Variants in SLC12A2 observed in about 807,000 individuals in gnomAD.
SLC12A2 encodes solute carrier family 12 member 2, also known as Na-K-2Cl cotransporter 1.
SLC12A2 carries 67 observed loss-of-function variants against 136.3 expected under a neutral mutation model. That is an observed-to-expected ratio of 0.49 (90% confidence interval 0.40 to 0.60). SLC12A2 has a LOEUF of 0.60. SLC12A2 is among the 20% of genes least tolerant of loss of function. The pLI is 0.00. For synonymous variants in SLC12A2, 619 were observed against 562.9 expected (o/e 1.10, Z -1.41); for missense variants, 1,322 against 1,534.7 (o/e 0.86, Z 2.32).
At chr5:128,097,954 A>G (rs925693891) in intron 1 of SLC12A2, among the ~76,000 whole-genome samples, 1 of 151,896 alleles carries the variant, frequency 6.6e-6, no homozygotes, top group African/African-American at 2.4e-5. Flanking sequence ...GTTTTGCTGG[A>G]TATAGAATTC....
intron 1 of SLC12A2, among the ~76,000 whole-genome samples, chr5:128,087,266 A>G (rs1004034210): frequency 8.5e-5 from 13 of 152,240 alleles, no homozygotes; most frequent in African/African-American, 2.9e-4. Flanking sequence ...GGAAGGGGGT[A>G]TCTTAGATGT....
At chr5:128,182,684 C>T (rs1448252450) in intron 23 of SLC12A2, among the ~76,000 whole-genome samples, 171 bp from the exon 24 acceptor site, 1 of 151,986 alleles carries the variant, frequency 6.6e-6, no homozygotes. Context: ...GTAAAGTACT[C>T]AGTGAATTTA....
At chr5:128,093,353 C>T (rs1412398205) in intron 1 of SLC12A2, among the ~76,000 whole-genome samples, 1 of 152,036 alleles carries the variant, frequency 6.6e-6, no homozygotes, top group Non-Finnish European at 1.5e-5. Context: ...TTTTTCTCTC[C>T]TTATGCTACA....
chr5:128,150,645 A>G (rs932334825), intron 13 of SLC12A2, among the ~76,000 whole-genome samples: 6 of 151,782 alleles, frequency 4.0e-5, no homozygotes, highest in Admixed American at 3.9e-4. Flanking sequence ...TTTTAAAATA[A>G]TTTTGGCTTT....
Position 128,084,114 on chromosome 5 carries a change from G to T in SLC12A2, c.160G>T (p.Gly54Cys), listed in dbSNP as rs1759942641. The T allele has an allele frequency of 3.1e-6, 4 of 1,307,590 alleles. No homozygotes were observed. The highest frequency in any genetic ancestry group is 3.9e-6 in the Non-Finnish European group (4 of 1,032,646). The allele number at this position is 1,307,590 out of a possible 1,614,324, so 81.0% of individuals were successfully genotyped here. A position where few individuals can be genotyped will look rare whatever the true frequency, so the allele number is the denominator to read the frequency against. ...EDAAPASRDGGGVRDEGPAAA... is the reference protein window; with the variant it reads ...EDAAPASRDGCGVRDEGPAAA... Reference sequence around the variant, plus strand: ...TGCTGCGCCCGCGAGCCGGGACGGCGGCGGGGTCCGCGATGAGGGCCCCGC... The same window carrying T: ...TGCTGCGCCCGCGAGCCGGGACGGCTGCGGGGTCCGCGATGAGGGCCCCGC... Residue 54 changes from glycine (G) to cysteine (C), a missense_variant, in exon 1 of 27, where the codon GGC becomes TGC. Coordinates refer to ENST00000262461, the MANE Select transcript of SLC12A2 (RefSeq NM_001046.3). The surrounding 1 kb of genome is among the most constrained non-coding windows in gnomAD (Gnocchi z 5.6).
intron 1 of SLC12A2, among the ~76,000 whole-genome samples, chr5:128,108,825 A>G (rs1340570624): frequency 6.6e-6 from 1 of 152,180 alleles, no homozygotes. Flanking sequence ...TTTAAAAACA[A>G]TTGCAAATTT....
In SLC12A2 at chr5:128,109,872, C is replaced by T. The variant is rs765608801; in HGVS notation, c.757-2942C>T. 7.6e-6 allele frequency: 6 copies of T among 787,932 alleles called. No individual in the cohort carries two copies. In the African/African-American group the frequency reaches 8.4e-5, roughly 11 times the overall value. 48.8% of individuals were successfully genotyped at this position (787,932 alleles called of 1,614,324 possible). On this transcript the variant is annotated intron_variant, in intron 1 of 26. Transcript: ENST00000262461. Reference sequence around the variant, plus strand: ...AAATCCCCATGTATTTTAAAAGAGCCAGTGTGCCATGAGAATTGTGACTGG... The same window carrying T: ...AAATCCCCATGTATTTTAAAAGAGCTAGTGTGCCATGAGAATTGTGACTGG...
Position 128,114,782 on chromosome 5 carries a change from A to T in SLC12A2, c.1048+101A>T, listed in dbSNP as rs77172895. On this transcript the variant is annotated intron_variant, in intron 4 of 26. Transcript: ENST00000262461. The stretch of plus-strand genomic sequence containing the variant: ...TTTTTTACTTTAACTGAAGCAACAT[A>T]TTAAGTCTATATAGACAAGAAAGTT... 142 of 737,342 alleles carry T rather than the reference A, an allele frequency of 1.9e-4. No individual in the cohort carries two copies. In the East Asian group the frequency reaches 3.9e-3, roughly 20 times the overall value. The allele number at this position is 737,342 out of a possible 1,614,324, so 45.7% of individuals were successfully genotyped here.
chr5:128,115,282 G>A (rs1378741335), intron 4 of SLC12A2, among the ~76,000 whole-genome samples: 6 of 152,172 alleles, frequency 3.9e-5, no homozygotes, highest in Admixed American at 3.3e-4. Context: ...GCACCACCAC[G>A]CCCGGCTAAT....
chr5:128,169,316 T>C (rs1015421481), intron 18 of SLC12A2: 3 of 152,166 alleles, frequency 2.0e-5, no homozygotes, highest in Non-Finnish European at 4.4e-5. Flanking sequence ...ATCACCCTTT[T>C]TTCTCACTGG....
intron 1 of SLC12A2, among the ~76,000 whole-genome samples, chr5:128,093,755 C>A (rs1760421995): frequency 6.6e-6 from 1 of 152,084 alleles, no homozygotes; most frequent in African/African-American, 2.4e-5. Context: ...ATGCCAAAAA[C>A]CGCAATGACT....
chr5:128,141,805 A>G (rs373841887), intron 9 of SLC12A2, 25 bp from the exon 10 acceptor site: 3 of 1,599,538 alleles, frequency 1.9e-6, no homozygotes, highest in Non-Finnish European at 2.6e-6. Flanking sequence ...TAACTATATT[A>G]TTCTTGTTGT....
chr5:128,095,687 TA>T (rs201238144), intron 1 of SLC12A2, among the ~76,000 whole-genome samples: 96 of 149,532 alleles, frequency 6.4e-4, no homozygotes, highest in African/African-American at 2.1e-3. Context: ...TTTTTGCAAT[TA>T]AAAAAAAAAC....
chr5:128,115,653 A>G (rs1475772104), intron 4 of SLC12A2, among the ~76,000 whole-genome samples: 2 of 152,242 alleles, frequency 1.3e-5, no homozygotes, highest in Non-Finnish European at 2.9e-5. Context: ...GAAAGGAGAC[A>G]AAATGTCTGC....
chr5:128,186,392 A>G, intron 26 of SLC12A2, 104 bp from the exon 27 acceptor site: 1 of 1,102,600 alleles, frequency 9.1e-7, no homozygotes, highest in Non-Finnish European at 1.3e-6. Flanking sequence ...ATAGTAATTT[A>G]CAGTAACTGT....
rs1056456962 is a variant in SLC12A2 at position 128,107,753 on chromosome 5, G to A, written c.757-5061G>A. On this transcript the variant is annotated intron_variant, in intron 1 of 26. Coordinates refer to ENST00000262461, the MANE Select transcript of SLC12A2 (RefSeq NM_001046.3). ...GTGAATACTGCTGCAATAAACACAC[G>A]TGTGCATGTGTCTTTATAGTAGAAT... Among the ~76,000 whole-genome samples the A allele has an allele frequency of 3.9e-5, 6 of 152,122 alleles. No individual in the cohort carries two copies. In the South Asian group the frequency reaches 6.2e-4, roughly 16 times the overall value.
At chr5:128,139,833 A>T (rs967185059) in intron 9 of SLC12A2, among the ~76,000 whole-genome samples, 1 of 152,198 alleles carries the variant, frequency 6.6e-6, no homozygotes, top group African/African-American at 2.4e-5. Context: ...TGGTAAGAAA[A>T]TTTCATTTTT....
intron 5 of SLC12A2, 101 bp from the exon 6 acceptor site, chr5:128,134,064 C>T (rs1479464705): frequency 1.6e-6 from 1 of 621,306 alleles, no homozygotes; most frequent in Non-Finnish European, 2.9e-6. Context: ...TCAACTTCTT[C>T]ATGTAAGGCA....
At chr5:128,136,991 C>T (rs758063730) in intron 7 of SLC12A2, among the ~76,000 whole-genome samples, 30 of 152,174 alleles carry the variant, frequency 2.0e-4, no homozygotes, top group South Asian at 1.0e-3. Context: ...ACCTGCTCCT[C>T]TTAATTTCTA....
Sources: gnomAD v4.1 joint callset for allele counts (sites outside exome capture counted in the v4.1 genomes callset) on GRCh38, gnomAD v4.1.1 for gene constraint, Gnocchi (gnomAD v3.1) non-coding constraint, MANE v1.5 for transcripts, NCBI Gene and HGNC (gene_info 2026-07-23, HGNC 2026-07-21) for gene names.